ROBO1: variants seen among roughly 807,000 people sequenced by gnomAD.
ROBO1 encodes roundabout homolog 1.
Under a neutral mutation model 195.9 loss-of-function variants are expected in ROBO1, and 149 were observed. The observed-to-expected ratio is 0.76, with a 90% CI of 0.67 to 0.87. The LOEUF is 0.87. Among genes scored for constraint, ROBO1 ranks in the 40% least tolerant of loss-of-function variants. ROBO1 has a pLI of 0.00. For synonymous variants in ROBO1, 816 were observed against 733.2 expected (o/e 1.11, Z -1.82); for missense variants, 1,933 against 2,068.3 (o/e 0.93, Z 1.27).
chr3:79,689,113 T>A (rs1479089738), intron 1 of ROBO1, among the ~76,000 whole-genome samples: 1 of 151,928 alleles, frequency 6.6e-6, no homozygotes. Flanking sequence ...GATTAACTTG[T>A]AATAAATTAA....
intron 3 of ROBO1, among the ~76,000 whole-genome samples, chr3:79,029,792 C>G (rs1449236850): frequency 6.6e-6 from 1 of 152,178 alleles, no homozygotes; most frequent in Non-Finnish European, 1.5e-5. Context: ...TTCAGCCTTT[C>G]TTTACATATC....
chr3:79,550,221 G>GAAAAGAAAAGAA lies in ROBO1; in HGVS notation c.88+39591_88+39602dup, dbSNP rs57230513. ...GAAAAGAAAAGAAAAGAAAAGAAAAGAAAAGAAAAGAAAAGAAAAGAAAAG... is the reference window on the plus strand; with the variant it reads ...GAAAAGAAAAGAAAAGAAAAGAAAAGAAAAGAAAAGAAAAAAGAAAAGAAAAGAAAAGAAAAG... On this transcript the variant is annotated intron_variant, in intron 2 of 30. Coordinates refer to ENST00000464233, the MANE Select transcript of ROBO1 (RefSeq NM_002941.4). Among the ~76,000 whole-genome samples the GAAAAGAAAAGAA allele has an allele frequency of 6.5e-5, 9 of 138,112 alleles. 1 individual carries two copies. Among genetic ancestry groups the GAAAAGAAAAGAA allele is most frequent in the African/African-American group, 2.5e-4 (9 of 36,292 alleles). 90.6% of individuals were successfully genotyped at this position (138,112 alleles called of 152,430 possible).
intron 8 of ROBO1, among the ~76,000 whole-genome samples, chr3:78,701,753 A>G (rs1173375880): frequency 6.6e-6 from 1 of 152,058 alleles, no homozygotes; most frequent in African/African-American, 2.4e-5. Flanking sequence ...TAGTTGTGCA[A>G]TGCTCTAAAT....
chr3:79,489,604 G>A (rs1469861977), intron 2 of ROBO1, among the ~76,000 whole-genome samples: 4 of 145,534 alleles, frequency 2.7e-5, no homozygotes, highest in Admixed American at 2.1e-4. Context: ...GCAGTGAGCC[G>A]AGAACACGCC....
At chr3:79,616,961 C>A (rs532902706) in intron 1 of ROBO1, among the ~76,000 whole-genome samples, 1 of 152,154 alleles carries the variant, frequency 6.6e-6, no homozygotes, top group Non-Finnish European at 1.5e-5. Context: ...CACCCCAAGG[C>A]CATTTTGGTG....
intron 1 of ROBO1, among the ~76,000 whole-genome samples, chr3:79,681,008 G>GA (rs982100203): frequency 6.6e-6 from 1 of 151,854 alleles, no homozygotes; most frequent in African/African-American, 2.4e-5. Context: ...AAGATCTTTG[G>GA]AAAAAATGAG....
At chr3:78,713,880 C>T (rs2081830252) in intron 8 of ROBO1, among the ~76,000 whole-genome samples, 1 of 152,220 alleles carries the variant, frequency 6.6e-6, no homozygotes, top group South Asian at 2.1e-4. Flanking sequence ...ATGATGCAGG[C>T]ACTCTGTGCG....
In ROBO1 at chr3:79,463,403, A is replaced by AC. The variant is rs1234002525; in HGVS notation, c.88+126420_88+126421insG. ...AAAAAAACATAAAACAAAAAACAAA[A>AC]AACAAAAAACCACAAACCTTTTCAA... On this transcript the variant is annotated intron_variant, in intron 2 of 30. Coordinates refer to ENST00000464233, the MANE Select transcript of ROBO1 (RefSeq NM_002941.4). Among the ~76,000 whole-genome samples the AC allele has an allele frequency of 9.9e-5, 14 of 141,686 alleles. 2 individuals carry two copies. The South Asian group carries it at 1.5e-3, about 15-fold the overall frequency. 93.0% of individuals were successfully genotyped at this position (141,686 alleles called of 152,430 possible). A position where few individuals can be genotyped will look rare whatever the true frequency, so the allele number is the denominator to read the frequency against.
intron 2 of ROBO1, among the ~76,000 whole-genome samples, chr3:79,546,426 G>C (rs527842062): frequency 6.6e-6 from 1 of 152,054 alleles, no homozygotes; most frequent in Non-Finnish European, 1.5e-5. Flanking sequence ...GTACAGTGTT[G>C]CTCTCGAAAG....
intron 3 of ROBO1, among the ~76,000 whole-genome samples, chr3:79,014,646 A>C (rs2077877075): frequency 6.6e-6 from 1 of 151,914 alleles, no homozygotes; most frequent in African/African-American, 2.4e-5. Context: ...TCTGCTTTTT[A>C]TTTCTTTATG....
At chr3:79,129,014 G>T (rs951680317) in intron 2 of ROBO1, among the ~76,000 whole-genome samples, 1 of 151,994 alleles carries the variant, frequency 6.6e-6, no homozygotes, top group East Asian at 1.9e-4. Flanking sequence ...CCAAGGCTTC[G>T]ATTATTTTTC....
intron 4 of ROBO1, among the ~76,000 whole-genome samples, chr3:78,840,968 A>G (rs937073220): frequency 2.0e-5 from 3 of 151,780 alleles, no homozygotes; most frequent in African/African-American, 7.3e-5. Flanking sequence ...AGGCTGAGGC[A>G]GGAGAGTGGC....
chr3:79,044,839 T>G (rs1229259591), intron 3 of ROBO1, among the ~76,000 whole-genome samples: 1 of 152,130 alleles, frequency 6.6e-6, no homozygotes, highest in African/African-American at 2.4e-5. Flanking sequence ...GACCCAGCCT[T>G]TAATCTAGAA....
At chr3:78,679,938 A>G (rs1009459259) in intron 10 of ROBO1, among the ~76,000 whole-genome samples, 2 of 152,152 alleles carry the variant, frequency 1.3e-5, no homozygotes, top group African/African-American at 4.8e-5. Flanking sequence ...ACTATACTAC[A>G]AGGCTACAGT....
chr3:78,930,582 C>G, intron 4 of ROBO1, among the ~76,000 whole-genome samples: 1 of 152,196 alleles, frequency 6.6e-6, no homozygotes, highest in East Asian at 1.9e-4. Context: ...CTAATCCAAA[C>G]TTCCAATTCC....
chr3:78,782,529 C>T (rs772921802), intron 4 of ROBO1, among the ~76,000 whole-genome samples: 10 of 152,064 alleles, frequency 6.6e-5, no homozygotes, highest in Admixed American at 2.0e-4. Flanking sequence ...CGCTTCCAAG[C>T]ACCTTTAGTT....
intron 4 of ROBO1, among the ~76,000 whole-genome samples, chr3:78,881,786 A>C (rs1353635122): frequency 6.6e-6 from 1 of 152,208 alleles, no homozygotes; most frequent in African/African-American, 2.4e-5. Context: ...TTTCACTAGA[A>C]ATTCCTTTTA....
chr3:79,640,500 A>AT (rs1233764845), intron 1 of ROBO1, among the ~76,000 whole-genome samples: 1 of 151,930 alleles, frequency 6.6e-6, no homozygotes, highest in Non-Finnish European at 1.5e-5. Context: ...CTGCCCATGA[A>AT]TTTTTTGGGT....
At chr3:79,355,606 C>T (rs2035519235) in intron 2 of ROBO1, among the ~76,000 whole-genome samples, 1 of 152,176 alleles carries the variant, frequency 6.6e-6, no homozygotes, top group Admixed American at 6.5e-5. Context: ...CTGTTCTACT[C>T]TCTAATTCTA....
Sources: allele counts gnomAD v4.1 joint callset (sites outside exome capture counted in the v4.1 genomes callset), GRCh38; gene constraint gnomAD v4.1.1; transcripts MANE v1.5; gene names NCBI Gene and HGNC (gene_info 2026-07-23, HGNC 2026-07-21).